The following FGD4 variants were observed in gnomAD, a reference collection of about 807,000 sequenced individuals.
FGD4 encodes FYVE, RhoGEF and PH domain containing 4.
FGD4 carries 42 observed loss-of-function variants against 102.0 expected under a neutral mutation model. The observed-to-expected ratio is 0.41, with a 90% confidence interval of 0.32 to 0.53. FGD4 has a LOEUF of 0.53. Ranked by LOEUF, FGD4 falls within the 20% of genes least tolerant of loss-of-function variation. FGD4 has a pLI of 0.21. For missense variants in FGD4, 902 were observed against 1,078.2 expected (o/e 0.84, Z 2.29); for synonymous variants, 380 against 375.7 (o/e 1.01, Z -0.13).
chr12:32,443,849 T>C (rs190095375), intron 1 of FGD4, among the ~76,000 whole-genome samples: 1 of 151,280 alleles, frequency 6.6e-6, no homozygotes, highest in African/African-American at 2.4e-5. Context: ...ATTATGACAA[T>C]TTTGAAGAAG....
chr12:32,638,622 T>G (rs1220583084), intron 15 of FGD4, 33 bp from the exon 16 acceptor site: 1 of 1,613,304 alleles, frequency 6.2e-7, no homozygotes, highest in South Asian at 1.1e-5. Flanking sequence ...ATTTGTTGTG[T>G]GTTCATTCTG....
chr12:32,637,461 T>C (rs1399020917), intron 15 of FGD4, among the ~76,000 whole-genome samples: 1 of 151,642 alleles, frequency 6.6e-6, no homozygotes, highest in African/African-American at 2.4e-5. Flanking sequence ...CCAAGCGTGG[T>C]GGTGAGTGCC....
chr12:32,627,839 G>A (rs889381292), intron 14 of FGD4, among the ~76,000 whole-genome samples: 9 of 152,178 alleles, frequency 5.9e-5, no homozygotes, highest in African/African-American at 2.2e-4. Context: ...GATAAAAAGA[G>A]CAGGAAAGCT....
At chr12:32,583,064 T>C (rs909582919) in intron 4 of FGD4, 2 of 153,112 alleles carry the variant, frequency 1.3e-5, no homozygotes, top group Non-Finnish European at 2.9e-5. Context: ...GAGCCAGGCA[T>C]GGTGGCTGAT....
intron 1 of FGD4, among the ~76,000 whole-genome samples, chr12:32,451,993 C>G (rs1030933636): frequency 6.6e-6 from 1 of 152,084 alleles, no homozygotes; most frequent in Non-Finnish European, 1.5e-5. Flanking sequence ...AATAGAACTT[C>G]CTGAATGTTT....
At chr12:32,559,027 A>G (rs1265920840) in intron 1 of FGD4, among the ~76,000 whole-genome samples, 1 of 152,256 alleles carries the variant, frequency 6.6e-6, no homozygotes, top group East Asian at 1.9e-4. Flanking sequence ...AACTGTTTAT[A>G]ATTATAAATC....
At chr12:32,473,407 A>C (rs751739127) in intron 1 of FGD4, among the ~76,000 whole-genome samples, 5 of 152,054 alleles carry the variant, frequency 3.3e-5, no homozygotes, top group Non-Finnish European at 7.3e-5. Flanking sequence ...CCAGGAGCCC[A>C]CTGGGGGGAA....
chr12:32,534,669 T>C (rs1942089913), intron 1 of FGD4, among the ~76,000 whole-genome samples: 1 of 152,202 alleles, frequency 6.6e-6, no homozygotes, highest in South Asian at 2.1e-4. Context: ...TATTGATGGG[T>C]TTTGGCTCTC....
intron 11 of FGD4, among the ~76,000 whole-genome samples, chr12:32,623,233 A>G (rs1346007756): frequency 6.6e-6 from 1 of 152,210 alleles, no homozygotes; most frequent in Non-Finnish European, 1.5e-5. Context: ...ACAAAAAGCT[A>G]TAAAGACTTG....
rs1177376128 is a variant in FGD4 at position 32,500,273 on chromosome 12, GA to G, written c.167-63861del. 5.9e-5 allele frequency among the ~76,000 whole-genome samples: 9 copies of G among 152,114 alleles called. 1 individual carries two copies. The highest frequency in any genetic ancestry group is 1.2e-4 in the Non-Finnish European group (8 of 68,028). On this transcript the variant is annotated intron_variant, in intron 1 of 16. Transcript: ENST00000534526. ...TTCATAGGCCCTGTGAGGTTTATAT[GA>G]AATATTTGTAAAGTGTTTATTATAG...
intron 15 of FGD4, among the ~76,000 whole-genome samples, chr12:32,636,259 G>T (rs1329270296): frequency 6.6e-6 from 1 of 152,114 alleles, no homozygotes; most frequent in African/African-American, 2.4e-5. Flanking sequence ...TCTGTGGCCA[G>T]GTGCGGTGTG....
At chr12:32,508,640 G>A (rs1001979830) in intron 1 of FGD4, among the ~76,000 whole-genome samples, 4 of 152,172 alleles carry the variant, frequency 2.6e-5, no homozygotes, top group African/African-American at 4.8e-5. Flanking sequence ...TTTTTTTAGC[G>A]TTAGAAGAGA....
Position 32,645,372 on chromosome 12 carries a change from GTGGC to G in FGD4, c.*4841_*4844del, listed in dbSNP as rs1951355598. The G allele has an allele frequency of 6.6e-6, 1 of 152,142 alleles. No homozygotes were observed. Among genetic ancestry groups the G allele is most frequent in the Non-Finnish European group, 1.5e-5 (1 of 68,038 alleles). The allele number at this position is 152,142 out of a possible 1,614,324, so 9.4% of individuals were successfully genotyped here. A position where few individuals can be genotyped will look rare whatever the true frequency, so the allele number is the denominator to read the frequency against. On this transcript the variant is annotated 3_prime_UTR_variant, in exon 17 of 17. Coordinates refer to ENST00000534526, the MANE Select transcript of FGD4 (RefSeq NM_001370298.3). The stretch of plus-strand genomic sequence containing the variant: ...TTAAAATAAGCATAGGCCGGGCATA[GTGGC>G]TCATGCCTGTAATCCCAGCCCTTGG...
intron 1 of FGD4, among the ~76,000 whole-genome samples, chr12:32,435,498 A>AGTGTGTGTGTGTGTGTGTGTGTGTGTGT (rs3076971): frequency 9.4e-5 from 14 of 149,718 alleles, no homozygotes; most frequent in African/African-American, 3.5e-4. Context: ...CAATTAAAAA[A>AGTGTGTGTGTGTGTGTGTGTGTGTGTGT]GTGTGTGTGT....
intron 2 of FGD4, among the ~76,000 whole-genome samples, chr12:32,570,478 A>G (rs185714033): frequency 4.6e-5 from 7 of 151,724 alleles, no homozygotes; most frequent in South Asian, 2.1e-4. Context: ...CAGGCTGTCT[A>G]TTGCCCAGGC....
chr12:32,546,600 A>C (rs973366161), intron 1 of FGD4, among the ~76,000 whole-genome samples: 6 of 152,196 alleles, frequency 3.9e-5, no homozygotes, highest in African/African-American at 1.2e-4. Flanking sequence ...CACTTTTCTG[A>C]CTTCTCCCTG....
At chr12:32,427,128 G>T (rs1374448451) in intron 1 of FGD4, among the ~76,000 whole-genome samples, 1 of 151,144 alleles carries the variant, frequency 6.6e-6, no homozygotes, top group African/African-American at 2.4e-5. Flanking sequence ...ATTTGCTCTT[G>T]CTTCTCTAGT....
intron 1 of FGD4, among the ~76,000 whole-genome samples, chr12:32,541,653 C>T (rs951691911): frequency 6.6e-6 from 1 of 152,096 alleles, no homozygotes; most frequent in Non-Finnish European, 1.5e-5. Context: ...CGTTAGCCAC[C>T]GTGCCCGGCC....
intron 1 of FGD4, among the ~76,000 whole-genome samples, chr12:32,543,743 C>T (rs1014706451): frequency 2.0e-5 from 3 of 152,172 alleles, no homozygotes; most frequent in Admixed American, 6.5e-5. Flanking sequence ...TCTCCTGCCT[C>T]AGCCTCCCAA....
Sources: allele counts gnomAD v4.1 joint callset (sites outside exome capture counted in the v4.1 genomes callset), GRCh38; gene constraint gnomAD v4.1.1; transcripts MANE v1.5; gene names NCBI Gene and HGNC (gene_info 2026-07-23, HGNC 2026-07-21).